OR2T27: variants seen among roughly 807,000 people sequenced by gnomAD.
OR2T27 encodes olfactory receptor family 2 subfamily T member 27.
For synonymous variants in OR2T27, 51 were observed against 152.9 expected, an observed-to-expected ratio of 0.33 and a Z score of 4.92; for missense variants, 152 against 397.2, an observed-to-expected ratio of 0.38 and a Z score of 5.25.
Position 248,650,111 on chromosome 1 carries a change from T to A in OR2T27, c.774A>T (p.Thr258=). Residue 258 remains threonine (T), a synonymous_variant, in exon 2 of 2, where the codon ACA becomes ACT. Coordinates refer to ENST00000460972, the MANE Select transcript of OR2T27 (RefSeq NM_001001824.2). ...VSLFYGAAMY[T]YVLPHSYHTP... Reference sequence around the variant, plus strand: ...TGTGGTAAGAATGAGGCAGCACGTATGTGTACATGGCAGCCCCATAGAAGA... The same window carrying A: ...TGTGGTAAGAATGAGGCAGCACGTAAGTGTACATGGCAGCCCCATAGAAGA... The A allele has an allele frequency of 1.3e-6, 2 of 1,570,030 alleles. No individual in the cohort carries two copies. Among genetic ancestry groups the A allele is most frequent in the Non-Finnish European group, 1.7e-6 (2 of 1,150,762 alleles).
chr1:248,652,015 G>A (rs1264673194), intron 1 of OR2T27, among the ~76,000 whole-genome samples: 1 of 151,476 alleles, frequency 6.6e-6, no homozygotes, highest in Non-Finnish European at 1.5e-5. Flanking sequence ...TTTTAATGTG[G>A]TTACTAGAAA....
chr1:248,651,675 A>G (rs1255674765), intron 1 of OR2T27: 1 of 70,500 alleles, frequency 1.4e-5, no homozygotes, highest in Non-Finnish European at 4.7e-5. Flanking sequence ...CCCAAAAAGA[A>G]GGGATCTCTC....
chr1:248,649,955 G>A lies in OR2T27; in HGVS notation c.930C>T (p.Ser310=). 6.3e-7 allele frequency: 1 copy of A among 1,576,888 alleles called. No homozygotes were observed. Among genetic ancestry groups the A allele is most frequent in the Non-Finnish European group, 8.7e-7 (1 of 1,154,472 alleles). ...ALQKVVGRCV[S]SGKVTTF is the part of the protein sequence containing the mutation. ...TTTAGAAAGTGGTTACCTTTCCTGAGGACACACACCTCCCCACAACCTTCT... is the reference window on the plus strand; with the variant it reads ...TTTAGAAAGTGGTTACCTTTCCTGAAGACACACACCTCCCCACAACCTTCT... Residue 310 remains serine, a synonymous_variant, in exon 2 of 2, where the codon TCC becomes TCT. Transcript: ENST00000460972.
At chr1:248,653,804 A>AT (rs1558182346) in intron 1 of OR2T27, among the ~76,000 whole-genome samples, 1 of 31,554 alleles carries the variant, frequency 3.2e-5, no homozygotes, top group African/African-American at 3.5e-5. Flanking sequence ...AGATTAGTCT[A>AT]TAGATTTTTA....
chr1:248,650,232 T>C lies in OR2T27; in HGVS notation c.653A>G (p.Tyr218Cys), dbSNP rs551799224. The change falls in exon 2 of 2, where the codon TAC becomes TGC. Residue 218 changes from tyrosine (Y) to cysteine (C), a missense_variant. Tyr to Cys is a radical substitution (Grantham distance 194, BLOSUM62 -2). Transcript: ENST00000460972. ...LIPFSVISGS[Y>C]TRILITVYRM... ...ATAAACAGTAATGAGAATTCTTGTG[T>C]AAGAGCCCGAGATGACAGAGAAAGG... 8.7e-5 allele frequency: 106 copies of C among 1,225,376 alleles called. 4 individuals are homozygous for C. In the South Asian group the frequency reaches 1.2e-3, roughly 14 times the overall value. 75.9% of individuals were successfully genotyped at this position (1,225,376 alleles called of 1,614,324 possible).
At chr1:248,653,452 T>G (rs1175596803) in intron 1 of OR2T27, among the ~76,000 whole-genome samples, 1 of 139,800 alleles carries the variant, frequency 7.2e-6, no homozygotes, top group Non-Finnish European at 1.6e-5. Context: ...AATTAGCACA[T>G]CTTTCCCAGT....
chr1:248,651,982 T>TGTAAAAAA (rs1352626870), intron 1 of OR2T27, among the ~76,000 whole-genome samples: 6 of 151,460 alleles, frequency 4.0e-5, no homozygotes, highest in Admixed American at 1.3e-4. Context: ...TAGATTAAAA[T>TGTAAAAAA]TAGTTTCACC....
In OR2T27 at chr1:248,650,716, T is replaced by G; in HGVS notation, c.169A>C (p.Thr57Pro). ...TGGCTGAGCAGGAAGTACATGGGGGTGTGGAGGCGGGAGTCTATGTGGATG... is the reference window on the plus strand; with the variant it reads ...TGGCTGAGCAGGAAGTACATGGGGGGGTGGAGGCGGGAGTCTATGTGGATG... ...ILIHIDSRLH[T>P]PMYFLLSQLS... The change falls in exon 2 of 2, where the codon ACC (threonine) becomes CCC (proline). Residue 57 changes from threonine (T) to proline (P), a missense_variant. Thr to Pro is a conservative substitution (Grantham distance 38, BLOSUM62 -1). Coordinates refer to ENST00000460972, the MANE Select transcript of OR2T27 (RefSeq NM_001001824.2). 6.6e-7 allele frequency: 1 copy of G among 1,515,316 alleles called. No individual in the cohort carries two copies. Among genetic ancestry groups the G allele is most frequent in the African/African-American group, 1.4e-5 (1 of 72,834 alleles). 93.9% of individuals were successfully genotyped at this position (1,515,316 alleles called of 1,614,324 possible).
chr1:248,652,438 A>G (rs74830613), intron 1 of OR2T27, among the ~76,000 whole-genome samples: 3,042 of 132,292 alleles, frequency 0.023, 65 homozygotes, highest in East Asian at 0.063. Context: ...AATATTTCTC[A>G]AGAGGCACAT....
chr1:248,650,960 T>C, intron 1 of OR2T27, 72 bp from the exon 2 acceptor site: 1 of 50,018 alleles, frequency 2.0e-5, no homozygotes, highest in African/African-American at 2.8e-5. Flanking sequence ...TATGATGTAG[T>C]CATGAACAAA....
Position 248,649,906 on chromosome 1 carries a change from G to T in OR2T27, c.*25C>A. 7.0e-7 allele frequency: 1 copy of T among 1,427,682 alleles called. No individual in the cohort carries two copies. The allele number at this position is 1,427,682 out of a possible 1,614,324, so 88.4% of individuals were successfully genotyped here. ...TAAAGTCTTGTATCCTTCATTTCAA[G>T]TCTCTAGCAGCATATGAAATTTCTT... On this transcript the variant is annotated 3_prime_UTR_variant, in exon 2 of 2. Coordinates refer to ENST00000460972, the MANE Select transcript of OR2T27 (RefSeq NM_001001824.2).
At chr1:248,653,151 G>GA (rs1170426007) in intron 1 of OR2T27, among the ~76,000 whole-genome samples, 10 of 142,636 alleles carry the variant, frequency 7.0e-5, no homozygotes, top group African/African-American at 2.5e-4. Context: ...CCCTGACCAT[G>GA]AATACTCCTG....
chr1:248,652,377 T>G (rs1264031667), intron 1 of OR2T27, among the ~76,000 whole-genome samples: 2 of 149,612 alleles, frequency 1.3e-5, no homozygotes, highest in African/African-American at 2.4e-5. Context: ...ACAGTGTAAT[T>G]GTTCTATGCT....
intron 1 of OR2T27, among the ~76,000 whole-genome samples, chr1:248,652,504 C>G (rs373028734): frequency 0.77 from 105,723 of 137,202 alleles, 42,914 homozygotes; most frequent in Non-Finnish European, 0.91. Context: ...AAGACATCAT[C>G]TGTCTTCGAG....
intron 1 of OR2T27, among the ~76,000 whole-genome samples, chr1:248,651,749 A>C (rs5002898): frequency 2.9e-5 from 2 of 69,516 alleles, no homozygotes; most frequent in South Asian, 7.0e-4. Context: ...CAATTTAGGA[A>C]CACTTGAGTT....
intron 1 of OR2T27, among the ~76,000 whole-genome samples, chr1:248,653,535 T>TGA (rs1661064758): frequency 3.0e-5 from 1 of 33,118 alleles, no homozygotes; most frequent in African/African-American, 3.3e-5. Flanking sequence ...TTGAGTTTGC[T>TGA]TATAATGCAA....
chr1:248,650,336 G>T lies in OR2T27; in HGVS notation c.549C>A (p.Ala183=), dbSNP rs1197329053. The T allele has an allele frequency of 7.4e-7, 1 of 1,359,544 alleles. No individual in the cohort carries two copies. The highest frequency in any genetic ancestry group is 1.0e-6 in the Non-Finnish European group (1 of 971,702). The allele number at this position is 1,359,544 out of a possible 1,614,324, so 84.2% of individuals were successfully genotyped here. The change falls in exon 2 of 2, where the codon GCC becomes GCA. Residue 183 remains alanine, a synonymous_variant. Transcript: ENST00000460972. ...TGTCCGTGCAGGAGAGCTTCAGAAG[G>T]GCAGGCACCTCGCAGAAGAAGTGGT... ...EINHFFCEVP[A]LLKLSCTDTS...
chr1:248,653,330 T>TA (rs112405177), intron 1 of OR2T27, among the ~76,000 whole-genome samples: 88,763 of 112,660 alleles, frequency 0.79, 38,701 homozygotes, highest in Non-Finnish European at 0.97. Context: ...TAGCAACATT[T>TA]AAGAATACTT....
At position 248,655,283 on chromosome 1, in the gene OR2T27, T is replaced by C. The variant is rs1408455425; in HGVS notation, c.-5+161A>G. The stretch of plus-strand genomic sequence containing the variant: ...AGAAACGAGATTGAATTATCTAAGA[T>C]TTATATATTAGTACCATCCACAAGT... On this transcript the variant is annotated intron_variant, in intron 1 of 1. Transcript: ENST00000460972. Among the ~76,000 whole-genome samples, 4 of 130,152 alleles carry C rather than the reference T, an allele frequency of 3.1e-5. 1 individual carries two copies. Among genetic ancestry groups the C allele is most frequent in the Non-Finnish European group, 6.8e-5 (4 of 58,498 alleles). 85.4% of individuals were successfully genotyped at this position (130,152 alleles called of 152,430 possible). A position where few individuals can be genotyped will look rare whatever the true frequency, so the allele number is the denominator to read the frequency against.
Sources: gnomAD v4.1 joint callset for allele counts (sites outside exome capture counted in the v4.1 genomes callset) on GRCh38, gnomAD v4.1.1 for gene constraint, MANE v1.5 for transcripts, NCBI Gene and HGNC (gene_info 2026-07-23, HGNC 2026-07-21) for gene names.